MICU3: variants seen among roughly 807,000 people sequenced by gnomAD.
The protein encoded by MICU3 is calcium uptake protein 3, mitochondrial.
In MICU3, 62 loss-of-function variants were observed where a neutral mutation model predicts 66.5. The observed-to-expected ratio is 0.93, with a 90% CI of 0.76 to 1.15. The LOEUF is 1.15. Among genes scored for constraint, MICU3 ranks in the 50% most tolerant of loss-of-function variants. The probability of loss-of-function intolerance (pLI) is 0.00; values close to 1 mark genes in which losing one functional copy is unlikely to be tolerated. For missense variants in MICU3, 779 were observed against 664.4 expected, an observed-to-expected ratio of 1.17 and a Z score of -1.90; for synonymous variants, 308 against 240.7, an observed-to-expected ratio of 1.28 and a Z score of -2.59.
downstream of MICU3, among the ~76,000 whole-genome samples, chr8:17,127,099 A>C (rs1313895665): frequency 1.3e-5 from 2 of 152,206 alleles, no homozygotes; most frequent in African/African-American, 4.8e-5. Context: ...GGACAGAATA[A>C]AAGACAGTAA....
chr8:17,089,290 A>G (rs1484211826), intron 7 of MICU3, among the ~76,000 whole-genome samples: 1 of 152,050 alleles, frequency 6.6e-6, no homozygotes, highest in Non-Finnish European at 1.5e-5. Flanking sequence ...CCAAATAGTC[A>G]TTACTGTGTT....
chr8:17,058,626 A>G (rs1278433548), intron 1 of MICU3, among the ~76,000 whole-genome samples: 1 of 152,112 alleles, frequency 6.6e-6, no homozygotes, highest in Non-Finnish European at 1.5e-5. Context: ...GCAAAGCTCA[A>G]TCTCTGAAAG....
At chr8:17,062,341 C>A (rs1326656290) in intron 1 of MICU3, among the ~76,000 whole-genome samples, 2 of 152,172 alleles carry the variant, frequency 1.3e-5, no homozygotes, top group African/African-American at 4.8e-5. Context: ...CTCCAGCCAG[C>A]ATTCTCTCTT....
rs779552849 is a variant in MICU3, at chr8:17,027,443, A to T, written c.164A>T (p.Glu55Val). Residue 55 changes from glutamate to valine, a missense_variant, in exon 1 of 15, where the codon GAG (glutamate) becomes GTG (valine). Glu to Val is a moderately radical substitution (Grantham distance 121, BLOSUM62 -2). Transcript: ENST00000318063. ...SREDEERAVAEAAWRRRRRWG... is the reference protein window; with the variant it reads ...SREDEERAVAVAAWRRRRRWG... Reference sequence around the variant, plus strand: ...GAGGATGAGGAGAGGGCTGTGGCGGAGGCGGCATGGAGGCGGCGGCGGCGC... The same window carrying T: ...GAGGATGAGGAGAGGGCTGTGGCGGTGGCGGCATGGAGGCGGCGGCGGCGC... 1 of 1,305,804 alleles carries T rather than the reference A, an allele frequency of 7.7e-7. No individual in the cohort carries two copies. Among genetic ancestry groups the T allele is most frequent in the Non-Finnish European group, 9.7e-7 (1 of 1,032,014 alleles). The allele number at this position is 1,305,804 out of a possible 1,614,324, so 80.9% of individuals were successfully genotyped here. A position where few individuals can be genotyped will look rare whatever the true frequency, so the allele number is the denominator to read the frequency against.
intron 13 of MICU3, among the ~76,000 whole-genome samples, chr8:17,117,075 T>C (rs1272705246): frequency 6.6e-6 from 1 of 152,148 alleles, no homozygotes; most frequent in Non-Finnish European, 1.5e-5. Flanking sequence ...ACTCCTGGGC[T>C]CAAGTGAGCT....
In MICU3 at chr8:17,057,345, G is replaced by A. The variant is rs559644152; in HGVS notation, c.382-6739G>A. On this transcript the variant is annotated intron_variant, in intron 1 of 14. Coordinates refer to ENST00000318063, the MANE Select transcript of MICU3 (RefSeq NM_181723.3). Reference sequence around the variant, plus strand: ...GGATAGGGAGCAAATCAGGAGCTCAGTTCTTGTTCCCAGAACATAACAGGC... The same window carrying A: ...GGATAGGGAGCAAATCAGGAGCTCAATTCTTGTTCCCAGAACATAACAGGC... Among the ~76,000 whole-genome samples, 11 of 152,260 alleles carry A rather than the reference G, an allele frequency of 7.2e-5. No individual in the cohort carries two copies. In the East Asian group the frequency reaches 2.1e-3, roughly 29 times the overall value.
intron 7 of MICU3, among the ~76,000 whole-genome samples, chr8:17,089,370 GT>G (rs1233114110): frequency 6.6e-6 from 1 of 151,776 alleles, no homozygotes; most frequent in Non-Finnish European, 1.5e-5. Flanking sequence ...AACCAGGGAG[GT>G]TTTATTTTAT....
At chr8:17,050,534 G>A (rs1016422110) in intron 1 of MICU3, among the ~76,000 whole-genome samples, 3 of 151,968 alleles carry the variant, frequency 2.0e-5, no homozygotes, top group Non-Finnish European at 2.9e-5. Flanking sequence ...ACCTTATTCT[G>A]TTACTCAGAT....
At chr8:17,047,291 A>G (rs1479965891) in intron 1 of MICU3, among the ~76,000 whole-genome samples, 1 of 152,252 alleles carries the variant, frequency 6.6e-6, no homozygotes, top group African/African-American at 2.4e-5. Context: ...TCTGAAAGAT[A>G]ATTTTGAAGA....
intron 6 of MICU3, among the ~76,000 whole-genome samples, chr8:17,085,933 A>G (rs1799422148): frequency 1.3e-5 from 2 of 152,038 alleles, no homozygotes; most frequent in Non-Finnish European, 2.9e-5. Context: ...TGTTTTACCC[A>G]TATATTTTGC....
At chr8:17,029,588 A>G (rs1458488735) in intron 1 of MICU3, among the ~76,000 whole-genome samples, 2 of 152,222 alleles carry the variant, frequency 1.3e-5, no homozygotes, top group Non-Finnish European at 2.9e-5. Context: ...AAATAATGTT[A>G]AAGTCCTGTG....
chr8:17,091,283 T>C (rs1400356033), intron 8 of MICU3, among the ~76,000 whole-genome samples: 6 of 152,090 alleles, frequency 3.9e-5, no homozygotes, highest in African/African-American at 1.4e-4. Flanking sequence ...TTAGCCCAGC[T>C]GCTAAAGGAG....
intron 7 of MICU3, among the ~76,000 whole-genome samples, chr8:17,088,139 C>T (rs1485385574): frequency 6.6e-6 from 1 of 151,870 alleles, no homozygotes; most frequent in East Asian, 1.9e-4. Flanking sequence ...AGCAGATTAT[C>T]AGGATTATAT....
At chr8:17,108,459 A>T (rs553226169) in intron 11 of MICU3, among the ~76,000 whole-genome samples, 1 of 152,170 alleles carries the variant, frequency 6.6e-6, no homozygotes, top group Non-Finnish European at 1.5e-5. Flanking sequence ...ACTCCTGGTC[A>T]TTCCATAACA....
intron 1 of MICU3, among the ~76,000 whole-genome samples, chr8:17,040,407 A>G (rs1307471384): frequency 1.3e-5 from 2 of 152,214 alleles, no homozygotes; most frequent in African/African-American, 4.8e-5. Context: ...CTTATACAGA[A>G]TCATTTCATT....
chr8:17,053,848 C>T (rs973333555), intron 1 of MICU3, among the ~76,000 whole-genome samples: 3 of 152,160 alleles, frequency 2.0e-5, no homozygotes, highest in Non-Finnish European at 4.4e-5. Flanking sequence ...AAAAGGGTGT[C>T]AGGCAATTCC....
At chr8:17,067,728 C>G (rs192945191) in intron 2 of MICU3, among the ~76,000 whole-genome samples, 3 of 152,158 alleles carry the variant, frequency 2.0e-5, no homozygotes, top group Non-Finnish European at 4.4e-5. Context: ...CGTAAGCCAC[C>G]ATGCCCAGCC....
At chr8:17,079,266 T>G (rs1322165377) in intron 4 of MICU3, among the ~76,000 whole-genome samples, 1 of 152,122 alleles carries the variant, frequency 6.6e-6, no homozygotes, top group Non-Finnish European at 1.5e-5. Flanking sequence ...GCACTTGAAA[T>G]GTGTCTAGCG....
chr8:17,066,734 A>G (rs10090967), intron 2 of MICU3, among the ~76,000 whole-genome samples: 8,806 of 151,186 alleles, frequency 0.058, 881 homozygotes, highest in African/African-American at 0.2. Context: ...TTTTGTAGAG[A>G]GAGGGTTTTG....
Sources: gnomAD v4.1 joint callset for allele counts (sites outside exome capture counted in the v4.1 genomes callset) on GRCh38, gnomAD v4.1.1 for gene constraint, MANE v1.5 for transcripts, NCBI Gene and HGNC (gene_info 2026-07-23, HGNC 2026-07-21) for gene names.